Variants in SDK2 observed in about 807,000 individuals in gnomAD.
SDK2 encodes the protein protein sidekick-2.
Under a neutral mutation model 253.9 loss-of-function variants are expected in SDK2, and 105 were observed. The observed-to-expected ratio is 0.41, with a 90% confidence interval of 0.35 to 0.49. SDK2 has a LOEUF of 0.49. Ranked by LOEUF, SDK2 falls within the 20% of genes least tolerant of loss-of-function variation. The probability of loss-of-function intolerance (pLI) is 0.06; values close to 1 mark genes in which losing one functional copy is unlikely to be tolerated. For synonymous variants in SDK2, 1,249 were observed against 1,234.9 expected (o/e 1.01, Z -0.24); for missense variants, 2,608 against 3,003.0 (o/e 0.87, Z 3.07).
intron 3 of SDK2, among the ~76,000 whole-genome samples, chr17:73,469,595 C>A (rs1333230867): frequency 6.6e-6 from 1 of 152,194 alleles, no homozygotes; most frequent in Admixed American, 6.5e-5. Context: ...CACCCCTCCC[C>A]CAGTGTGAAG....
At chr17:73,442,383 C>T (rs1461948450) in intron 5 of SDK2, among the ~76,000 whole-genome samples, 1 of 152,034 alleles carries the variant, frequency 6.6e-6, no homozygotes, top group Non-Finnish European at 1.5e-5. Flanking sequence ...GCTCTGTTGC[C>T]CAGGCTGGAG....
intron 36 of SDK2, among the ~76,000 whole-genome samples, chr17:73,372,121 A>T (rs1380712766): frequency 1.3e-5 from 2 of 152,190 alleles, no homozygotes; most frequent in Non-Finnish European, 2.9e-5. Flanking sequence ...CGGGGCCTAG[A>T]ACCCAGGGAC....
In SDK2 at chr17:73,509,902, C is replaced by CAAAAAAAAAAAAAAAAAAAAAAAAAAAAA. The variant is rs71157018; in HGVS notation, c.65-2306_65-2305insTTTTTTTTTTTTTTTTTTTTTTTTTTTTT. Among the ~76,000 whole-genome samples, 156 of 25,328 alleles carry CAAAAAAAAAAAAAAAAAAAAAAAAAAAAA rather than the reference C, an allele frequency of 6.2e-3. 12 individuals are homozygous for CAAAAAAAAAAAAAAAAAAAAAAAAAAAAA. Among genetic ancestry groups the CAAAAAAAAAAAAAAAAAAAAAAAAAAAAA allele is most frequent in the Middle Eastern group, 0.025 (1 of 40 alleles). The allele number at this position is 25,328 out of a possible 152,430, so 16.6% of individuals were successfully genotyped here. On this transcript the variant is annotated intron_variant, in intron 1 of 44. Transcript: ENST00000392650. ...GCAACAGAGCAAGACTCCATCTCTA[C>CAAAAAAAAAAAAAAAAAAAAAAAAAAAAA]AAAAAAAAAAAAAAAAAAAAGAAGG...
At chr17:73,567,823 C>T (rs2045331557) in intron 1 of SDK2, among the ~76,000 whole-genome samples, 1 of 152,212 alleles carries the variant, frequency 6.6e-6, no homozygotes, top group South Asian at 2.1e-4. Context: ...AAAATGTTTA[C>T]CTCATGCCTG....
At chr17:73,587,326 C>T (rs371000564) in intron 1 of SDK2, among the ~76,000 whole-genome samples, 25 of 152,296 alleles carry the variant, frequency 1.6e-4, no homozygotes, top group African/African-American at 5.3e-4. Context: ...GGAGCCTGGA[C>T]GGGCCAGGGC....
At chr17:73,396,251 C>T (rs368062265) in intron 24 of SDK2, among the ~76,000 whole-genome samples, 11 of 151,324 alleles carry the variant, frequency 7.3e-5, no homozygotes, top group Middle Eastern at 3.2e-3. Context: ...GCTGATGGGG[C>T]TGTGGTCACC....
chr17:73,454,851 C>A (rs1010198514), intron 4 of SDK2, among the ~76,000 whole-genome samples: 1 of 152,048 alleles, frequency 6.6e-6, no homozygotes, highest in Admixed American at 6.6e-5. Flanking sequence ...TTACAGGCAC[C>A]TGCCACCATG....
At chr17:73,598,889 A>G (rs2045797731) in intron 1 of SDK2, among the ~76,000 whole-genome samples, 1 of 152,250 alleles carries the variant, frequency 6.6e-6, no homozygotes, top group Non-Finnish European at 1.5e-5. Flanking sequence ...TTTACACAAT[A>G]AAATGAATGG....
chr17:73,340,139 T>G (rs1479357321), intron 44 of SDK2, among the ~76,000 whole-genome samples: 1 of 152,248 alleles, frequency 6.6e-6, no homozygotes, highest in Non-Finnish European at 1.5e-5. Context: ...CTCAAAGTGC[T>G]GGGATTCAGG....
intron 1 of SDK2, among the ~76,000 whole-genome samples, chr17:73,631,496 A>C (rs928414392): frequency 6.6e-6 from 1 of 152,224 alleles, no homozygotes; most frequent in Non-Finnish European, 1.5e-5. Flanking sequence ...AAGCCAGGGC[A>C]GCCAGAGACA....
At chr17:73,343,361 C>T (rs1190739503) in intron 44 of SDK2, among the ~76,000 whole-genome samples, 1 of 152,250 alleles carries the variant, frequency 6.6e-6, no homozygotes, top group South Asian at 2.1e-4. Flanking sequence ...TTTGCATCAG[C>T]GACTGCTGCT....
chr17:73,450,835 C>T (rs1334205553), intron 4 of SDK2, among the ~76,000 whole-genome samples: 2 of 152,206 alleles, frequency 1.3e-5, no homozygotes, highest in African/African-American at 4.8e-5. Context: ...CCGTGGTGCA[C>T]AGGAAGGCCC....
intron 33 of SDK2, among the ~76,000 whole-genome samples, chr17:73,382,337 G>A (rs1013384224): frequency 1.3e-5 from 2 of 152,040 alleles, no homozygotes; most frequent in African/African-American, 2.4e-5. Context: ...GCCTGCTGCC[G>A]TCTTCTACTA....
intron 1 of SDK2, among the ~76,000 whole-genome samples, chr17:73,613,979 A>T (rs1444669775): frequency 6.6e-6 from 1 of 152,250 alleles, no homozygotes; most frequent in Non-Finnish European, 1.5e-5. Flanking sequence ...CTATTAAAAC[A>T]AAAACAAAAG....
At position 73,443,503 on chromosome 17, in the gene SDK2, C is replaced by T. The variant is rs1051199138; in HGVS notation, c.614-2580G>A. Reference sequence around the variant, plus strand: ...ACAGTTAGAGCCCAAGCCAGAGCGCCGCATGGCACAGCCAGGTAAACAGGG... The same window carrying T: ...ACAGTTAGAGCCCAAGCCAGAGCGCTGCATGGCACAGCCAGGTAAACAGGG... On this transcript the variant is annotated intron_variant, in intron 5 of 44. Transcript: ENST00000392650. This position sits in a 1 kb window ranked among gnomAD's most constrained non-coding sequence, Gnocchi z 4.6. Among the ~76,000 whole-genome samples, 11 of 152,212 alleles carry T rather than the reference C, an allele frequency of 7.2e-5. No homozygotes were observed. Among genetic ancestry groups the T allele is most frequent in the East Asian group, 1.9e-4 (1 of 5,178 alleles).
At chr17:73,408,838 C>G (rs1401617663) in intron 18 of SDK2, among the ~76,000 whole-genome samples, 1 of 152,138 alleles carries the variant, frequency 6.6e-6, no homozygotes, top group Non-Finnish European at 1.5e-5. Flanking sequence ...CAAATAAAAC[C>G]ACGAGTAACA....
At chr17:73,452,457 G>T (rs1660178860) in intron 4 of SDK2, among the ~76,000 whole-genome samples, 1 of 152,140 alleles carries the variant, frequency 6.6e-6, no homozygotes, top group South Asian at 2.1e-4. Context: ...GGTGTGCAGG[G>T]GCTGGGGGTG....
intron 24 of SDK2, among the ~76,000 whole-genome samples, chr17:73,397,230 C>T (rs945937585): frequency 6.6e-6 from 1 of 152,174 alleles, no homozygotes. Flanking sequence ...TTCTTGTTTG[C>T]TCCACACGCC....
Position 73,507,607 on chromosome 17 carries a change from C to T in SDK2, c.65-10G>A. ...TACGGGGACACATCATCTGCAGAAA[C>T]AGGGAGACAAAGCCACCAGTGATCA... On this transcript the variant is annotated splice_polypyrimidine_tract_variant and intron_variant, in intron 1 of 44. Coordinates refer to ENST00000392650, the MANE Select transcript of SDK2 (RefSeq NM_001144952.2). 6.5e-7 allele frequency: 1 copy of T among 1,549,994 alleles called. No individual in the cohort carries two copies. The highest frequency in any genetic ancestry group is 8.7e-7 in the Non-Finnish European group (1 of 1,145,994).
Sources: gnomAD v4.1 joint callset for allele counts (sites outside exome capture counted in the v4.1 genomes callset) on GRCh38, gnomAD v4.1.1 for gene constraint, Gnocchi (gnomAD v3.1) non-coding constraint, MANE v1.5 for transcripts, NCBI Gene and HGNC (gene_info 2026-07-23, HGNC 2026-07-21) for gene names.